The following KCNQ1 variants were observed in gnomAD, a reference collection of about 807,000 sequenced individuals.
The protein encoded by KCNQ1 is potassium voltage-gated channel subfamily KQT member 1.
In KCNQ1, 49 loss-of-function variants were observed where a neutral mutation model predicts 72.4. That is an observed-to-expected ratio of 0.68 (90% CI 0.54 to 0.86). The LOEUF (loss-of-function observed/expected upper bound fraction) is 0.86. KCNQ1 is among the 40% of genes least tolerant of loss of function. The pLI, the probability that KCNQ1 is intolerant of heterozygous loss-of-function variation, is 0.00. For missense variants in KCNQ1, 790 were observed against 945.1 expected (o/e 0.84, Z 2.15); for synonymous variants, 450 against 412.6 (o/e 1.09, Z -1.10).
In KCNQ1 at chr11:2,748,930, G is replaced by A. The variant is rs1031922568; in HGVS notation, c.1515-19914G>A. Among the ~76,000 whole-genome samples, 1 of 152,248 alleles carries A rather than the reference G, an allele frequency of 6.6e-6. No homozygotes were observed. The highest frequency in any genetic ancestry group is 1.5e-5 in the Non-Finnish European group (1 of 68,044). On this transcript the variant is annotated intron_variant, in intron 11 of 15. Coordinates refer to ENST00000155840, the MANE Select transcript of KCNQ1 (RefSeq NM_000218.3). The surrounding 1 kb of genome is among the most constrained non-coding windows in gnomAD (Gnocchi z 6.2). The stretch of plus-strand genomic sequence containing the variant: ...TCTTTGCGGTTGTCACCCTGTCCTT[G>A]AGTCTAACTGGGGCTGTGCTGCCTT...
Position 2,664,310 on chromosome 11 carries a change from C to A in KCNQ1, c.1514+2229C>A. The A allele has an allele frequency of 2.5e-6, 1 of 399,044 alleles. No homozygotes were observed. Among genetic ancestry groups the A allele is most frequent in the South Asian group, 1.3e-4 (1 of 7,832 alleles). 24.7% of individuals were successfully genotyped at this position (399,044 alleles called of 1,614,324 possible). A position where few individuals can be genotyped will look rare whatever the true frequency, so the allele number is the denominator to read the frequency against. On this transcript the variant is annotated intron_variant, in intron 11 of 15. Coordinates refer to ENST00000155840, the MANE Select transcript of KCNQ1 (RefSeq NM_000218.3). This position sits in a 1 kb window ranked among gnomAD's most constrained non-coding sequence, Gnocchi z 5.1. ...CCACCTTGAGGCATTGTGTTCTGGT[C>A]AGGGAAGACTCAGGGCTGAGGCTTC...
intron 15 of KCNQ1, 148 bp from the exon 16 acceptor site, chr11:2,847,619 G>A (rs962251739): frequency 1.4e-6 from 1 of 710,904 alleles, no homozygotes; most frequent in Non-Finnish European, 2.4e-6. Context: ...GACATAGGGT[G>A]CACACGTGCG....
rs539248710 is a variant in KCNQ1, at chr11:2,845,190, G to A, written c.1795-2577G>A. Among the ~76,000 whole-genome samples the A allele has an allele frequency of 3.3e-4, 51 of 152,274 alleles. 1 individual carries two copies. In the South Asian group the frequency reaches 7.7e-3, roughly 23 times the overall value. ...CTGAACAAGAACGAGACCTCAGGCC[G>A]GTCCCCCTCCCAGAGGCCCCGCCCC... is the stretch of plus-strand genomic sequence containing the variant. On this transcript the variant is annotated intron_variant, in intron 15 of 15. Transcript: ENST00000155840.
chr11:2,750,751 C>T lies in KCNQ1; in HGVS notation c.1515-18093C>T, dbSNP rs549227632. On this transcript the variant is annotated intron_variant, in intron 11 of 15. Coordinates refer to ENST00000155840, the MANE Select transcript of KCNQ1 (RefSeq NM_000218.3). The surrounding 1 kb of genome is among the most constrained non-coding windows in gnomAD (Gnocchi z 6.3). ...GCTCATAATCTCCTGGGCTGCTGGGCGAAATGGGATCCCCTGGCTCTTTCA... is the reference window on the plus strand; with the variant it reads ...GCTCATAATCTCCTGGGCTGCTGGGTGAAATGGGATCCCCTGGCTCTTTCA... 3.9e-5 allele frequency among the ~76,000 whole-genome samples: 6 copies of T among 152,290 alleles called. No homozygotes were observed. The highest frequency in any genetic ancestry group is 1.3e-4 in the Admixed American group (2 of 15,308).
At chr11:2,638,049 C>A (rs944400665) in intron 10 of KCNQ1, 1 of 152,178 alleles carries the variant, frequency 6.6e-6, no homozygotes, top group African/African-American at 2.4e-5. Flanking sequence ...TCCTCCATCC[C>A]TTTATTTTGA....
Position 2,498,920 on chromosome 11 carries a change from TG to T in KCNQ1, c.387-29005del, listed in dbSNP as rs954209277. Among the ~76,000 whole-genome samples the T allele has an allele frequency of 1.3e-5, 2 of 152,196 alleles. No homozygotes were observed. Among genetic ancestry groups the T allele is most frequent in the African/African-American group, 4.8e-5 (2 of 41,456 alleles). ...CCGGGTATCACAGATGACGGGTTGATGGGTGCAGCAACTGCATGCAAACTGC... is the reference window on the plus strand; with the variant it reads ...CCGGGTATCACAGATGACGGGTTGATGGTGCAGCAACTGCATGCAAACTGC... On this transcript the variant is annotated intron_variant, in intron 1 of 15. Transcript: ENST00000155840. The surrounding 1 kb of genome is among the most constrained non-coding windows in gnomAD (Gnocchi z 4.8).
At chr11:2,596,744 T>A (rs914853229) in intron 10 of KCNQ1, among the ~76,000 whole-genome samples, 2 of 152,090 alleles carry the variant, frequency 1.3e-5, no homozygotes, top group Non-Finnish European at 2.9e-5. Flanking sequence ...AAAAAAACTT[T>A]TGGGGCAGTG....
intron 2 of KCNQ1, among the ~76,000 whole-genome samples, chr11:2,531,130 G>C (rs772696193): frequency 1.3e-4 from 20 of 152,190 alleles, no homozygotes; most frequent in Non-Finnish European, 2.6e-4. Context: ...GCGAAGCCTG[G>C]AGAAGCCTGC....
Position 2,767,626 on chromosome 11 carries a change from G to A in KCNQ1, c.1515-1218G>A, listed in dbSNP as rs1846522313. Among the ~76,000 whole-genome samples the A allele has an allele frequency of 6.6e-6, 1 of 152,208 alleles. No homozygotes were observed. Among genetic ancestry groups the A allele is most frequent in the South Asian group, 2.1e-4 (1 of 4,830 alleles). ...ACCTTACTCCAGTAGGGGATTGAGA[G>A]AGGTGGGGTTAATGTGATGGAAAGT... On this transcript the variant is annotated intron_variant, in intron 11 of 15. Coordinates refer to ENST00000155840, the MANE Select transcript of KCNQ1 (RefSeq NM_000218.3). This position sits in a 1 kb window ranked among gnomAD's most constrained non-coding sequence, Gnocchi z 4.6.
rs548518331 is a variant in KCNQ1, at chr11:2,809,651, C to T, written c.1794+31614C>T. Among the ~76,000 whole-genome samples, 2 of 152,234 alleles carry T rather than the reference C, an allele frequency of 1.3e-5. No homozygotes were observed. Among genetic ancestry groups the T allele is most frequent in the East Asian group, 3.9e-4 (2 of 5,180 alleles). On this transcript the variant is annotated intron_variant, in intron 15 of 15. Transcript: ENST00000155840. This position sits in a 1 kb window ranked among gnomAD's most constrained non-coding sequence, Gnocchi z 7.1. Reference sequence around the variant, plus strand: ...GCCTCGGTCGCTGACTCCAGAGGGCCCCACGGCTCATGCCTGCTTCCCTGC... The same window carrying T: ...GCCTCGGTCGCTGACTCCAGAGGGCTCCACGGCTCATGCCTGCTTCCCTGC...
In KCNQ1 at chr11:2,523,751, GTTTTTTTT is replaced by G. The variant is rs59766245; in HGVS notation, c.387-4164_387-4157del. ...GCCTCTGCCTTGGAGGAAGTTTACAGTTTTTTTTTTTTTTTTTTTTGAAAGTTTAAAGC... is the reference window on the plus strand; with the variant it reads ...GCCTCTGCCTTGGAGGAAGTTTACAGTTTTTTTTTTTTGAAAGTTTAAAGC... On this transcript the variant is annotated intron_variant, in intron 1 of 15. Transcript: ENST00000155840. Among the ~76,000 whole-genome samples the G allele has an allele frequency of 8.7e-5, 10 of 115,144 alleles. No individual in the cohort carries two copies. The East Asian group carries it at 1.5e-3, about 17-fold the overall frequency. 75.5% of individuals were successfully genotyped at this position (115,144 alleles called of 152,430 possible).
chr11:2,537,415 A>T lies in KCNQ1; in HGVS notation c.477+9397A>T, dbSNP rs763446586. 3.3e-5 allele frequency among the ~76,000 whole-genome samples: 5 copies of T among 152,114 alleles called. No homozygotes were observed. Among genetic ancestry groups the T allele is most frequent in the Non-Finnish European group, 7.3e-5 (5 of 68,040 alleles). ...TAGGGGCATTTAAACTTGCAGTCGA[A>T]TTAGTAACAATTTTATTTTTTGGGA... is the stretch of plus-strand genomic sequence containing the variant. On this transcript the variant is annotated intron_variant, in intron 2 of 15. Transcript: ENST00000155840. The surrounding 1 kb of genome is among the most constrained non-coding windows in gnomAD (Gnocchi z 5.2).
chr11:2,561,589 G>C (rs1272477160), intron 2 of KCNQ1, among the ~76,000 whole-genome samples: 1 of 152,230 alleles, frequency 6.6e-6, no homozygotes, highest in African/African-American at 2.4e-5. Context: ...CAGAGAGGCT[G>C]AGCTGCTCGT....
chr11:2,748,451 G>T lies in KCNQ1; in HGVS notation c.1515-20393G>T, dbSNP rs924612740. ...CAGATGCCCCTGGGTACCTCCCCAG[G>T]CAGGGCCCTCAGCACCTGATGCCAA... On this transcript the variant is annotated intron_variant, in intron 11 of 15. Transcript: ENST00000155840. This position sits in a 1 kb window ranked among gnomAD's most constrained non-coding sequence, Gnocchi z 6.2. Among the ~76,000 whole-genome samples the T allele has an allele frequency of 2.0e-5, 3 of 152,136 alleles. No individual in the cohort carries two copies. The highest frequency in any genetic ancestry group is 4.4e-5 in the Non-Finnish European group (3 of 68,010).
chr11:2,466,619 G>A (rs1846356248), intron 1 of KCNQ1, among the ~76,000 whole-genome samples: 1 of 152,190 alleles, frequency 6.6e-6, no homozygotes, highest in Admixed American at 6.5e-5. Flanking sequence ...ACAGCCATCA[G>A]CAGGCCAGAA....
At chr11:2,662,541 T>G in intron 11 of KCNQ1, 1 of 428,172 alleles carries the variant, frequency 2.3e-6, no homozygotes, top group East Asian at 3.3e-5. Flanking sequence ...TTTCCACGCC[T>G]TCCAGTTGGC....
intron 1 of KCNQ1, among the ~76,000 whole-genome samples, chr11:2,456,302 C>CAA (rs113254398): frequency 8.9e-6 from 1 of 112,254 alleles, no homozygotes; most frequent in Non-Finnish European, 2.0e-5. Flanking sequence ...TATCTCAAAA[C>CAA]AAAAAAAAAA....
In KCNQ1 at chr11:2,592,811, C is replaced by T. The variant is rs1848687621; in HGVS notation, c.1393+3957C>T. ...GGGTGGGGGCAGACACACAGGCAGC[C>T]TCCTGCCCAGAGGGTCCAAGCGGGC... is the stretch of plus-strand genomic sequence containing the variant. On this transcript the variant is annotated intron_variant, in intron 10 of 15. Transcript: ENST00000155840. This position sits in a 1 kb window ranked among gnomAD's most constrained non-coding sequence, Gnocchi z 5.2. 6.6e-6 allele frequency among the ~76,000 whole-genome samples: 1 copy of T among 152,208 alleles called. No homozygotes were observed.
At position 2,567,995 on chromosome 11, in the gene KCNQ1, G is replaced by C. The variant is rs184980746; in HGVS notation, c.478-2633G>C. ...AAAGTGCATCAAAACAAGGTCAGGC[G>C]CGGTGGCTCACGCTTATAATCCCAG... On this transcript the variant is annotated intron_variant, in intron 2 of 15. Coordinates refer to ENST00000155840, the MANE Select transcript of KCNQ1 (RefSeq NM_000218.3). The surrounding 1 kb of genome is among the most constrained non-coding windows in gnomAD (Gnocchi z 6.6). Among the ~76,000 whole-genome samples the C allele has an allele frequency of 1.8e-4, 27 of 152,134 alleles. No homozygotes were observed. The highest frequency in any genetic ancestry group is 2.6e-4 in the Admixed American group (4 of 15,272).
Sources: gnomAD v4.1 joint callset for allele counts (sites outside exome capture counted in the v4.1 genomes callset) on GRCh38, gnomAD v4.1.1 for gene constraint, Gnocchi (gnomAD v3.1) non-coding constraint, MANE v1.5 for transcripts, NCBI Gene and HGNC (gene_info 2026-07-23, HGNC 2026-07-21) for gene names.